The following ERBB4 variants were observed in gnomAD, a reference collection of about 807,000 sequenced individuals.
ERBB4 encodes the protein erb-b2 receptor tyrosine kinase 4.
In ERBB4, 42 loss-of-function variants were observed where a neutral mutation model predicts 158.0. The observed-to-expected ratio is 0.27, with a 90% CI of 0.21 to 0.34. The LOEUF is 0.34. ERBB4 is among the 10% of genes least tolerant of loss of function. The pLI, the probability that ERBB4 is intolerant of heterozygous loss-of-function variation, is 1.00. For missense variants in ERBB4, 1,333 were observed against 1,624.1 expected, an observed-to-expected ratio of 0.82 and a Z score of 3.08; for synonymous variants, 583 against 558.7, an observed-to-expected ratio of 1.04 and a Z score of -0.61.
intron 3 of ERBB4, among the ~76,000 whole-genome samples, chr2:211,870,217 A>T (rs1398086942): frequency 6.6e-6 from 1 of 152,122 alleles, no homozygotes; most frequent in East Asian, 1.9e-4. Flanking sequence ...AATGCATGTC[A>T]TTGTCCCTGC....
At chr2:211,554,133 T>C (rs991967385) in intron 20 of ERBB4, among the ~76,000 whole-genome samples, 2 of 152,168 alleles carry the variant, frequency 1.3e-5, no homozygotes, top group African/African-American at 4.8e-5. Context: ...GAAGAGCAGG[T>C]CACTTTAAGC....
intron 1 of ERBB4, among the ~76,000 whole-genome samples, chr2:212,422,264 G>A (rs554823666): frequency 6.6e-6 from 1 of 152,248 alleles, no homozygotes; most frequent in South Asian, 2.1e-4. Context: ...CAGCACTTTG[G>A]GAGGCCAAGG....
intron 12 of ERBB4, among the ~76,000 whole-genome samples, chr2:211,682,866 C>T (rs935426042): frequency 1.3e-5 from 2 of 151,746 alleles, no homozygotes; most frequent in Non-Finnish European, 2.9e-5. Flanking sequence ...AAACCATTTA[C>T]ATTTAATGTA....
At chr2:212,259,536 T>C (rs2084857320) in intron 1 of ERBB4, among the ~76,000 whole-genome samples, 2 of 152,182 alleles carry the variant, frequency 1.3e-5, no homozygotes, top group Admixed American at 1.3e-4. Flanking sequence ...TGATACAATA[T>C]ATATTATAAC....
chr2:211,433,451 G>A (rs1197759337), intron 20 of ERBB4, among the ~76,000 whole-genome samples: 2 of 151,968 alleles, frequency 1.3e-5, no homozygotes, highest in African/African-American at 4.8e-5. Flanking sequence ...TGTGATGGTG[G>A]GCGCCTGTAG....
intron 1 of ERBB4, among the ~76,000 whole-genome samples, chr2:212,163,426 A>G (rs777938472): frequency 2.6e-5 from 4 of 152,056 alleles, no homozygotes; most frequent in Non-Finnish European, 5.9e-5. Context: ...CAAAGCCTAG[A>G]GCCATTTGCT....
chr2:211,411,323 T>C (rs938462082), intron 25 of ERBB4, among the ~76,000 whole-genome samples: 2 of 152,210 alleles, frequency 1.3e-5, no homozygotes, highest in African/African-American at 4.8e-5. Flanking sequence ...GGTCCCTTGA[T>C]ATTTTTGTTA....
At chr2:212,158,860 G>A (rs915346560) in intron 1 of ERBB4, among the ~76,000 whole-genome samples, 1 of 152,094 alleles carries the variant, frequency 6.6e-6, no homozygotes, top group Non-Finnish European at 1.5e-5. Context: ...GAATGTAAGA[G>A]AGAGCAAGAT....
intron 3 of ERBB4, among the ~76,000 whole-genome samples, chr2:211,888,489 T>G (rs1357080682): frequency 6.6e-6 from 1 of 152,246 alleles, no homozygotes; most frequent in Non-Finnish European, 1.5e-5. Context: ...ATTTTTGTTT[T>G]TATTCTATTG....
intron 2 of ERBB4, among the ~76,000 whole-genome samples, chr2:212,007,495 T>C (rs1280468753): frequency 2.6e-5 from 4 of 151,878 alleles, no homozygotes; most frequent in Non-Finnish European, 5.9e-5. Context: ...AATCAATATT[T>C]TTATTCTGTT....
At chr2:211,956,543 A>T (rs2081039009) in intron 2 of ERBB4, among the ~76,000 whole-genome samples, 1 of 152,054 alleles carries the variant, frequency 6.6e-6, no homozygotes, top group African/African-American at 2.4e-5. Flanking sequence ...TGCGCAAATT[A>T]TTCAATATTA....
At chr2:212,115,783 G>T (rs2079553554) in intron 2 of ERBB4, among the ~76,000 whole-genome samples, 1 of 152,030 alleles carries the variant, frequency 6.6e-6, no homozygotes, top group Admixed American at 6.6e-5. Context: ...TGTTGTGATT[G>T]CAGGTGTGAG....
At chr2:212,509,103 C>A (rs1009278967) in intron 1 of ERBB4, among the ~76,000 whole-genome samples, 1 of 152,026 alleles carries the variant, frequency 6.6e-6, no homozygotes, top group Non-Finnish European at 1.5e-5. Flanking sequence ...AACTTAGAAG[C>A]TGAGAATAGC....
intron 25 of ERBB4, among the ~76,000 whole-genome samples, chr2:211,414,500 T>TAAAAAAAAAAAAAAAAA (rs71047174): frequency 2.0e-5 from 2 of 102,124 alleles, no homozygotes; most frequent in African/African-American, 3.6e-5. Flanking sequence ...CAGTCTCAAT[T>TAAAAAAAAAAAAAAAAA]AAAAAAAAAA....
In ERBB4 at chr2:211,383,677, A is replaced by C; in HGVS notation, c.3865T>G (p.Ser1289Ala). 4 of 1,614,064 alleles carry C rather than the reference A, an allele frequency of 2.5e-6. No individual in the cohort carries two copies. The highest frequency in any genetic ancestry group is 3.4e-6 in the Non-Finnish European group (4 of 1,179,990). ...GGCAGCACAGTGCCTGGCTTCAGGG[A>C]GAACTCAGAGAGGTATTCAGGATTC... ...AENPEYLSEF[S>A]LKPGTVLPPP... The change falls in exon 28 of 28, where the codon TCC becomes GCC. Residue 1289 changes from serine (S) to alanine (A), a missense_variant. Physicochemically the swap from Ser to Ala is moderately conservative, Grantham distance 99. Around this residue, in one of 5 missense-constraint regions of ERBB4, gnomAD observed 84 missense variants for 110.8 expected, o/e 0.76. Transcript: ENST00000342788.
intron 1 of ERBB4, among the ~76,000 whole-genome samples, chr2:212,347,699 G>C (rs2089072594): frequency 6.6e-6 from 1 of 152,114 alleles, no homozygotes; most frequent in Non-Finnish European, 1.5e-5. Context: ...TTTCCTTTGA[G>C]TGTCATATTG....
chr2:211,569,751 T>C (rs1184100437), intron 19 of ERBB4, among the ~76,000 whole-genome samples: 1 of 152,190 alleles, frequency 6.6e-6, no homozygotes, highest in Non-Finnish European at 1.5e-5. Context: ...GCAAGGGCTC[T>C]AATGGCATGA....
intron 1 of ERBB4, among the ~76,000 whole-genome samples, chr2:212,147,546 G>A (rs2080723295): frequency 6.6e-6 from 1 of 151,930 alleles, no homozygotes; most frequent in Non-Finnish European, 1.5e-5. Flanking sequence ...AAAACTCAGA[G>A]ATATAAAATG....
chr2:212,340,347 A>T (rs2088648342), intron 1 of ERBB4, among the ~76,000 whole-genome samples: 2 of 152,182 alleles, frequency 1.3e-5, no homozygotes, highest in Non-Finnish European at 2.9e-5. Context: ...AGATGGTTTC[A>T]GGATGAGTTA....
Sources: allele counts gnomAD v4.1 joint callset (sites outside exome capture counted in the v4.1 genomes callset), GRCh38; gene constraint gnomAD v4.1.1; regional missense constraint gnomAD v4.1.1; transcripts MANE v1.5; gene names NCBI Gene and HGNC (gene_info 2026-07-23, HGNC 2026-07-21).